HBS1L: variants seen among roughly 807,000 people sequenced by gnomAD.
HBS1L encodes the protein HBS1-like protein.
HBS1L carries 55 observed loss-of-function variants against 88.9 expected under a neutral mutation model. That is an observed-to-expected ratio of 0.62 (90% CI 0.50 to 0.77). The LOEUF (loss-of-function observed/expected upper bound fraction) is 0.77. HBS1L is among the 30% of genes least tolerant of loss of function. HBS1L has a pLI of 0.00. For synonymous variants in HBS1L, 267 were observed against 288.5 expected, an observed-to-expected ratio of 0.93 and a Z score of 0.76; for missense variants, 741 against 829.3, an observed-to-expected ratio of 0.89 and a Z score of 1.31.
intron 4 of HBS1L, among the ~76,000 whole-genome samples, chr6:135,020,915 T>C (rs1480863376): frequency 6.6e-6 from 1 of 151,900 alleles, no homozygotes; most frequent in African/African-American, 2.4e-5. Flanking sequence ...ATGTTGCACA[T>C]GATTAAGTTA....
intron 4 of HBS1L, among the ~76,000 whole-genome samples, chr6:135,023,822 T>C (rs182498772): frequency 1.3e-5 from 2 of 151,792 alleles, no homozygotes; most frequent in Admixed American, 1.3e-4. Flanking sequence ...ATCTGATTAG[T>C]ATAAACATTT....
intron 4 of HBS1L, chr6:135,037,257 C>T: frequency 1.2e-5 from 19 of 1,551,940 alleles, no homozygotes; most frequent in Non-Finnish European, 1.7e-5. Flanking sequence ...TGGCAGATGA[C>T]TGGTTACAAA....
intron 4 of HBS1L, among the ~76,000 whole-genome samples, chr6:135,020,147 TA>T (rs1302277395): frequency 1.7e-5 from 2 of 116,484 alleles, no homozygotes; most frequent in East Asian, 2.4e-4. Context: ...TATGAATGAT[TA>T]AAAAAAACCC....
At chr6:134,999,605 A>C (rs2114809538) in intron 5 of HBS1L, among the ~76,000 whole-genome samples, 1 of 151,168 alleles carries the variant, frequency 6.6e-6, no homozygotes, top group South Asian at 2.1e-4. Context: ...TGGCCACTAC[A>C]CCCGGATAAT....
intron 2 of HBS1L, among the ~76,000 whole-genome samples, chr6:135,043,848 T>G (rs1357053669): frequency 6.6e-6 from 1 of 152,346 alleles, no homozygotes; most frequent in Middle Eastern, 3.4e-3. Flanking sequence ...CTCATGTCAA[T>G]GGGCTATGAA....
intron 7 of HBS1L, 136 bp downstream of exon 7, chr6:134,996,639 TTC>T: frequency 7.1e-6 from 4 of 566,346 alleles, no homozygotes; most frequent in Non-Finnish European, 1.1e-5. Context: ...GTCAAAATAG[TTC>T]CCTGATATCT....
At chr6:135,031,132 C>T (rs1776371722) in intron 4 of HBS1L, among the ~76,000 whole-genome samples, 1 of 152,008 alleles carries the variant, frequency 6.6e-6, no homozygotes, top group Non-Finnish European at 1.5e-5. Flanking sequence ...CTAGGATGTG[C>T]CTAACAAATA....
chr6:135,030,631 C>A (rs554296199), intron 4 of HBS1L, among the ~76,000 whole-genome samples: 2 of 151,792 alleles, frequency 1.3e-5, no homozygotes, highest in African/African-American at 4.8e-5. Context: ...GGTAATTCTG[C>A]TAAAAGCTAA....
chr6:135,038,379 A>C (rs76148278), intron 4 of HBS1L, among the ~76,000 whole-genome samples: 1 of 150,770 alleles, frequency 6.6e-6, no homozygotes, highest in Non-Finnish European at 1.5e-5. Flanking sequence ...TTAAAAAAAC[A>C]AAAAAAACTA....
chr6:134,997,534 G>A lies in HBS1L; in HGVS notation c.662C>T (p.Thr221Met), dbSNP rs758762669. The A allele has an allele frequency of 1.4e-5, 22 of 1,613,934 alleles. No individual in the cohort carries two copies. Among genetic ancestry groups the A allele is most frequent in the Middle Eastern group, 1.6e-4 (1 of 6,082 alleles). ...TASKSANPPHTIQASEEQSST... is the reference protein window; with the variant it reads ...TASKSANPPHMIQASEEQSST... Reference sequence around the variant, plus strand: ...ACTCTGCTCTTCTGATGCTTGAATCGTGTGGGGTGGATTAGCAGATTTAGA... The same window carrying A: ...ACTCTGCTCTTCTGATGCTTGAATCATGTGGGGTGGATTAGCAGATTTAGA... Residue 221 changes from threonine (T) to methionine (M), a missense_variant, in exon 6 of 18, where the codon ACG (threonine) becomes ATG (methionine). By Grantham distance (81) the Thr-to-Met change is moderately conservative (BLOSUM62 -1). Coordinates refer to ENST00000367837, the MANE Select transcript of HBS1L (RefSeq NM_006620.4).
intron 1 of HBS1L, among the ~76,000 whole-genome samples, chr6:135,051,093 A>G (rs9376087): frequency 0.59 from 89,497 of 151,692 alleles, 27,655 homozygotes; most frequent in African/African-American, 0.79. Context: ...AGACATGGTG[A>G]CGTGCACCTG....
chr6:134,996,692 T>C (rs890221452), intron 7 of HBS1L, 85 bp downstream of exon 7: 5 of 959,662 alleles, frequency 5.2e-6, no homozygotes, highest in Non-Finnish European at 7.4e-6. Context: ...GTATTTCATA[T>C]GTTTTACAAA....
intron 4 of HBS1L, among the ~76,000 whole-genome samples, chr6:135,033,479 A>G (rs1776444783): frequency 6.6e-6 from 1 of 152,224 alleles, no homozygotes; most frequent in Non-Finnish European, 1.5e-5. Flanking sequence ...ACATTCCCTT[A>G]GTCAACAGGG....
chr6:135,038,661 A>T (rs1776633308), intron 4 of HBS1L, among the ~76,000 whole-genome samples: 1 of 152,188 alleles, frequency 6.6e-6, no homozygotes, highest in African/African-American at 2.4e-5. Context: ...AAATCGCCAT[A>T]CTCAAACTGA....
In HBS1L at chr6:135,020,399, G is replaced by A. The variant is rs143307929; in HGVS notation, c.431-17557C>T. Among the ~76,000 whole-genome samples the A allele has an allele frequency of 1.4e-3, 210 of 151,958 alleles. 1 individual carries two copies. Among genetic ancestry groups the A allele is most frequent in the African/African-American group, 4.9e-3 (205 of 41,512 alleles). ...TGTAAGGTAGACATTATTTTCTCAT[G>A]GATAAATGGTATTTTTGGCAATGCC... On this transcript the variant is annotated intron_variant, in intron 4 of 17. Coordinates refer to ENST00000367837, the MANE Select transcript of HBS1L (RefSeq NM_006620.4).
At chr6:135,042,813 CAAAAAAAAAAAACA>C (rs749032433) in intron 2 of HBS1L, among the ~76,000 whole-genome samples, 1 of 67,604 alleles carries the variant, frequency 1.5e-5, no homozygotes, top group African/African-American at 5.0e-5. Flanking sequence ...AACTCCGTCT[CAAAAAAAAAAAACA>C]AAAAAAAAAA....
At chr6:134,982,843 C>T (rs1376185500) in intron 12 of HBS1L, 9 of 204,354 alleles carry the variant, frequency 4.4e-5, no homozygotes, top group South Asian at 1.7e-4. Flanking sequence ...TTATACTAAA[C>T]TCTGGGGATA....
intron 4 of HBS1L, among the ~76,000 whole-genome samples, chr6:135,007,993 T>A (rs112927034): frequency 6.6e-6 from 1 of 152,330 alleles, no homozygotes; most frequent in African/African-American, 2.4e-5. Flanking sequence ...AACTTTTCCA[T>A]GAAGTACGTA....
chr6:134,995,920 A>G (rs902368829), intron 7 of HBS1L, among the ~76,000 whole-genome samples: 4 of 152,096 alleles, frequency 2.6e-5, no homozygotes, highest in Non-Finnish European at 5.9e-5. Flanking sequence ...GCGTTACCTT[A>G]TATGTTTATA....
Sources: allele counts gnomAD v4.1 joint callset (sites outside exome capture counted in the v4.1 genomes callset), GRCh38; gene constraint gnomAD v4.1.1; transcripts MANE v1.5; gene names NCBI Gene and HGNC (gene_info 2026-07-23, HGNC 2026-07-21).